Variants in RNF17 observed in about 807,000 individuals in gnomAD.
RNF17 encodes the protein spermatogenesis associated 23.
A neutral mutation model predicts 200.5 loss-of-function variants in RNF17; 31 were observed. The ratio of observed to expected loss-of-function variants is 0.15; its 90% CI spans 0.12 to 0.21. The LOEUF is 0.21. Ranked by LOEUF, RNF17 falls within the 10% of genes least tolerant of loss-of-function variation. RNF17 has a pLI of 1.00. For missense variants in RNF17, 1,628 were observed against 1,905.1 expected (o/e 0.85, Z 2.71); for synonymous variants, 606 against 637.8 (o/e 0.95, Z 0.75).
intron 15 of RNF17, among the ~76,000 whole-genome samples, chr13:24,809,365 T>C (rs1886299813): frequency 6.6e-6 from 1 of 152,202 alleles, no homozygotes; most frequent in Non-Finnish European, 1.5e-5. Flanking sequence ...CTTCCTGGTT[T>C]AGTCTTGGGA....
rs1593300695 is a variant in RNF17 at position 24,807,425 on chromosome 13, C to T, written c.2091+2996C>T. 2.0e-5 allele frequency among the ~76,000 whole-genome samples: 3 copies of T among 152,116 alleles called. No individual in the cohort carries two copies. In the East Asian group the frequency reaches 5.8e-4, roughly 29 times the overall value. ...TGATGGTGAGCATTTTTTCATGTGTCTTTTGGCTGCATAAATGTCTTCTTT... is the reference window on the plus strand; with the variant it reads ...TGATGGTGAGCATTTTTTCATGTGTTTTTTGGCTGCATAAATGTCTTCTTT... On this transcript the variant is annotated intron_variant, in intron 15 of 35. Coordinates refer to ENST00000255324, the MANE Select transcript of RNF17 (RefSeq NM_031277.3).
At chr13:24,881,922 A>G (rs1323247025), downstream of RNF17, among the ~76,000 whole-genome samples, 1 of 77,950 alleles carries the variant, frequency 1.3e-5, no homozygotes, top group Non-Finnish European at 3.2e-5. Flanking sequence ...ATACATCTAT[A>G]TAGATATATA....
intron 15 of RNF17, among the ~76,000 whole-genome samples, chr13:24,821,875 C>CAG: frequency 6.6e-6 from 1 of 152,048 alleles, no homozygotes; most frequent in African/African-American, 2.4e-5. Flanking sequence ...AATAATGAAG[C>CAG]CGTTTCTTTG....
chr13:24,831,365 C>A (rs1385006976), intron 17 of RNF17, among the ~76,000 whole-genome samples: 2 of 152,036 alleles, frequency 1.3e-5, no homozygotes, highest in African/African-American at 4.8e-5. Flanking sequence ...TTGCTTGAAC[C>A]CGGGAGGCGG....
chr13:24,839,535 A>G (rs1890384157), intron 18 of RNF17, among the ~76,000 whole-genome samples: 1 of 152,206 alleles, frequency 6.6e-6, no homozygotes, highest in African/African-American at 2.4e-5. Context: ...AAAAATAGGC[A>G]CATAGACTAA....
the RNF17 span, among the ~76,000 whole-genome samples, chr13:24,757,428 A>C: frequency 6.6e-6 from 1 of 150,808 alleles, no homozygotes; most frequent in South Asian, 2.1e-4. Context: ...GGTTGAAGTG[A>C]GTCTCCTGCC....
chr13:24,825,926 G>A (rs1262466503), intron 16 of RNF17, 154 bp downstream of exon 16: 25 of 979,280 alleles, frequency 2.6e-5, no homozygotes, highest in Non-Finnish European at 2.9e-5. Context: ...AATGTTGAAA[G>A]GTGAATCTAT....
At chr13:24,810,596 G>A (rs9511454) in intron 15 of RNF17, among the ~76,000 whole-genome samples, 141,677 of 144,408 alleles carry the variant, frequency 0.98, 69,674 homozygotes, top group Middle Eastern at 1. Flanking sequence ...TCTTTATCCA[G>A]TTTGCCAGTC....
Position 24,799,491 on chromosome 13 carries a change from C to T in RNF17, c.1496C>T (p.Pro499Leu). 6.2e-7 allele frequency: 1 copy of T among 1,610,626 alleles called. No individual in the cohort carries two copies. Among genetic ancestry groups the T allele is most frequent in the Non-Finnish European group, 8.5e-7 (1 of 1,177,278 alleles). ...ATAGAGGGTAGAAATACCAGAAAAC[C>T]TTGTAGTCCAACCAGATTATTTGTC... ...IPIEGRNTRK[P>L]CSPTRLFVHE... The change falls in exon 12 of 36, where the codon CCT (proline) becomes CTT (leucine). Residue 499 changes from proline to leucine, a missense_variant. Coordinates refer to ENST00000255324, the MANE Select transcript of RNF17 (RefSeq NM_031277.3).
At chr13:24,752,379 C>T in the RNF17 span, among the ~76,000 whole-genome samples, 1 of 152,242 alleles carries the variant, frequency 6.6e-6, no homozygotes, top group Admixed American at 6.5e-5. Context: ...TACAGATACA[C>T]ACAGAGTATG....
rs778571991 is a variant in RNF17 at position 24,793,127 on chromosome 13, C to A, written c.1021C>A (p.Pro341Thr). The A allele has an allele frequency of 6.2e-7, 1 of 1,613,244 alleles. No individual in the cohort carries two copies. Among genetic ancestry groups the A allele is most frequent in the East Asian group, 2.2e-5 (1 of 44,864 alleles). Reference protein sequence around the residue: ...KKELSCYDTYPPLEKKKVDMS... With the variant: ...KKELSCYDTYTPLEKKKVDMS... ...GGAACTTTCTTGTTACGATACATAC[C>A]CACCGCTAGAAAAGAAAAAGGTTGA... The change falls in exon 10 of 36, where the codon CCA becomes ACA. Residue 341 changes from proline (P) to threonine (T), a missense_variant. By Grantham distance (38) the Pro-to-Thr change is conservative. Coordinates refer to ENST00000255324, the MANE Select transcript of RNF17 (RefSeq NM_031277.3).
chr13:24,806,833 G>A (rs1267639933), intron 15 of RNF17, among the ~76,000 whole-genome samples: 1 of 131,070 alleles, frequency 7.6e-6, no homozygotes, highest in African/African-American at 2.9e-5. Flanking sequence ...AGAGTGTGAT[G>A]TTCCCCTTCC....
chr13:24,797,705 A>AGTTTGTGTGTCTGTCTGTGTGT (rs59493601), intron 11 of RNF17, among the ~76,000 whole-genome samples: 3 of 119,094 alleles, frequency 2.5e-5, no homozygotes, highest in African/African-American at 9.6e-5. Flanking sequence ...AGAGACAAAG[A>AGTTTGTGTGTCTGTCTGTGTGT]GTGTGTGTGT....
chr13:24,789,763 A>G lies in RNF17; in HGVS notation c.926A>G (p.Asp309Gly), dbSNP rs773769662. The G allele has an allele frequency of 8.5e-5, 134 of 1,574,082 alleles. No homozygotes were observed. Among genetic ancestry groups the G allele is most frequent in the Non-Finnish European group, 1.1e-4 (129 of 1,144,418 alleles). The part of the protein sequence containing the change: ...FNNMGKIEFR[D>G]STKCYPQENE... ...AATATGGGAAAGATTGAATTTAGGGACTCAACAAAGTAAGTATTTATAAGC... is the reference window on the plus strand; with the variant it reads ...AATATGGGAAAGATTGAATTTAGGGGCTCAACAAAGTAAGTATTTATAAGC... Residue 309 changes from aspartate (D) to glycine (G), a missense_variant, in exon 9 of 36, where the codon GAC becomes GGC. By Grantham distance (94) the Asp-to-Gly change is moderately conservative. Transcript: ENST00000255324.
chr13:24,870,919 A>G (rs1210803092), intron 32 of RNF17, among the ~76,000 whole-genome samples, 180 bp downstream of exon 32: 1 of 152,226 alleles, frequency 6.6e-6, no homozygotes, highest in East Asian at 1.9e-4. Context: ...TTTCTAGATA[A>G]GGAAGGTGAA....
upstream of RNF17, chr13:24,764,013 C>T (rs566421206): frequency 3.3e-5 from 16 of 487,030 alleles, no homozygotes; most frequent in East Asian, 4.7e-4. Context: ...CAAGGCGCCC[C>T]TTCTAGGAGT....
intron 15 of RNF17, among the ~76,000 whole-genome samples, chr13:24,820,805 T>G (rs1201386840): frequency 6.6e-6 from 1 of 152,196 alleles, no homozygotes; most frequent in Non-Finnish European, 1.5e-5. Context: ...TATGACATGT[T>G]GCATCTCTTT....
chr13:24,827,726 A>AAAAAAAAAG, intron 16 of RNF17, among the ~76,000 whole-genome samples: 1 of 147,026 alleles, frequency 6.8e-6, no homozygotes, highest in Non-Finnish European at 1.5e-5. Flanking sequence ...AACAAAAAAA[A>AAAAAAAAAG]AAAAACAATA....
intron 15 of RNF17, among the ~76,000 whole-genome samples, chr13:24,806,653 T>A (rs560629388): frequency 5.9e-5 from 9 of 152,250 alleles, no homozygotes; most frequent in African/African-American, 1.9e-4. Context: ...CGTTCTTTTT[T>A]TATTATTATT....
Sources: allele counts gnomAD v4.1 joint callset (sites outside exome capture counted in the v4.1 genomes callset), GRCh38; gene constraint gnomAD v4.1.1; transcripts MANE v1.5; gene names NCBI Gene and HGNC (gene_info 2026-07-23, HGNC 2026-07-21).